The following NBAS variants were observed in gnomAD, a reference collection of about 807,000 sequenced individuals.
The protein encoded by NBAS is NBAS subunit of NRZ tethering complex.
A neutral mutation model predicts 302.5 loss-of-function variants in NBAS; 219 were observed. That is an observed-to-expected ratio of 0.72 (90% CI 0.65 to 0.81). NBAS has a LOEUF of 0.81. Among genes scored for constraint, NBAS ranks in the 30% least tolerant of loss-of-function variants. The pLI is 0.00. For missense variants in NBAS, 2,932 were observed against 2,841.6 expected, an observed-to-expected ratio of 1.03 and a Z score of -0.72; for synonymous variants, 1,118 against 1,021.6, an observed-to-expected ratio of 1.09 and a Z score of -1.80.
chr2:14,897,005 T>A, the NBAS span, among the ~76,000 whole-genome samples: 6 of 151,634 alleles, frequency 4.0e-5, no homozygotes, highest in Non-Finnish European at 5.9e-5. Flanking sequence ...GGAGCTTCTG[T>A]GGCTGTCAGG....
At chr2:15,322,006 A>T (rs1010604589) in intron 38 of NBAS, among the ~76,000 whole-genome samples, 1 of 152,222 alleles carries the variant, frequency 6.6e-6, no homozygotes. Context: ...TCCATCAATG[A>T]CAGACCAGAT....
chr2:15,339,822 T>C (rs545006958), intron 35 of NBAS, among the ~76,000 whole-genome samples: 3 of 151,672 alleles, frequency 2.0e-5, no homozygotes, highest in Non-Finnish European at 4.4e-5. Context: ...GGATAAGTCA[T>C]ATGGATACAG....
At chr2:15,474,774 T>C (rs1481155249) in intron 14 of NBAS, among the ~76,000 whole-genome samples, 1 of 152,180 alleles carries the variant, frequency 6.6e-6, no homozygotes, top group Admixed American at 6.5e-5. Flanking sequence ...TTGGCCAGGC[T>C]GGTCACAAAT....
the NBAS span, among the ~76,000 whole-genome samples, chr2:15,023,934 C>T: frequency 6.6e-6 from 1 of 151,862 alleles, no homozygotes; most frequent in Non-Finnish European, 1.5e-5. Flanking sequence ...TATATCCTCA[C>T]TTTATTTTCT....
chr2:15,305,449 GTTTTTT>G (rs35136896), intron 40 of NBAS, among the ~76,000 whole-genome samples: 1 of 123,804 alleles, frequency 8.1e-6, no homozygotes, highest in Non-Finnish European at 1.7e-5. Flanking sequence ...GTCTCGAGCA[GTTTTTT>G]TTTTTTTTTT....
chr2:14,792,332 C>T, the NBAS span, among the ~76,000 whole-genome samples: 1 of 152,174 alleles, frequency 6.6e-6, no homozygotes, highest in Non-Finnish European at 1.5e-5. Context: ...CCTAGCCTAG[C>T]TAGTGCTCAG....
the NBAS span, among the ~76,000 whole-genome samples, chr2:15,038,636 T>G: frequency 6.6e-6 from 1 of 152,126 alleles, no homozygotes; most frequent in Non-Finnish European, 1.5e-5. Flanking sequence ...TTCTGTGTCG[T>G]GATGTCAGGT....
chr2:15,434,981 ATTAC>A (rs1677941313), intron 21 of NBAS, among the ~76,000 whole-genome samples: 2 of 152,244 alleles, frequency 1.3e-5, no homozygotes, highest in Admixed American at 1.3e-4. Context: ...CTTATTTCAC[ATTAC>A]ATGAAGACAA....
At chr2:15,064,489 G>T in the NBAS span, among the ~76,000 whole-genome samples, 1 of 151,998 alleles carries the variant, frequency 6.6e-6, no homozygotes, top group Non-Finnish European at 1.5e-5. Flanking sequence ...GACCAAAGTA[G>T]TTTGACATGC....
the NBAS span, among the ~76,000 whole-genome samples, chr2:15,009,158 C>T: frequency 2.6e-5 from 4 of 152,142 alleles, no homozygotes; most frequent in African/African-American, 7.2e-5. Flanking sequence ...GTAAAAACAT[C>T]GCCCCTTGTT....
At chr2:15,004,931 G>A in the NBAS span, among the ~76,000 whole-genome samples, 1 of 152,050 alleles carries the variant, frequency 6.6e-6, no homozygotes, top group South Asian at 2.1e-4. Context: ...TAATAAGGTT[G>A]TCAGGATCTG....
chr2:15,275,664 G>C lies in NBAS; in HGVS notation c.5544C>G (p.Thr1848=), dbSNP rs374289500. Residue 1848 remains threonine (T), a synonymous_variant, in exon 44 of 52, where the codon ACC becomes ACG. Transcript: ENST00000281513. ...GQMLSPSSLY[T]IWLQKLFWTG... is the part of the protein sequence containing the mutation. Reference sequence around the variant, plus strand: ...TCCAGAACAACTTCTGTAACCAGATGGTGTACAGAGAGCTTGGGGAAAGCA... The same window carrying C: ...TCCAGAACAACTTCTGTAACCAGATCGTGTACAGAGAGCTTGGGGAAAGCA... 3 of 1,614,048 alleles carry C rather than the reference G, an allele frequency of 1.9e-6. No homozygotes were observed. Among genetic ancestry groups the C allele is most frequent in the African/African-American group, 1.3e-5 (1 of 74,920 alleles).
At chr2:14,867,114 T>C in the NBAS span, among the ~76,000 whole-genome samples, 1 of 152,202 alleles carries the variant, frequency 6.6e-6, no homozygotes, top group South Asian at 2.1e-4. Context: ...AAACCACCTA[T>C]TGGGTAAATG....
intron 23 of NBAS, among the ~76,000 whole-genome samples, chr2:15,419,116 G>A (rs1677084719): frequency 6.6e-6 from 1 of 152,180 alleles, no homozygotes; most frequent in South Asian, 2.1e-4. Flanking sequence ...TTCACAGACA[G>A]TAAATACTTG....
chr2:15,313,391 C>A (rs1036850824), intron 38 of NBAS, among the ~76,000 whole-genome samples: 2 of 152,282 alleles, frequency 1.3e-5, no homozygotes, highest in African/African-American at 4.8e-5. Flanking sequence ...ATAGTATTAT[C>A]TTGTTTTTAC....
intron 51 of NBAS, among the ~76,000 whole-genome samples, chr2:15,178,354 TC>T (rs1664654482): frequency 4.6e-5 from 7 of 152,168 alleles, no homozygotes; most frequent in Admixed American, 4.6e-4. Context: ...CAACATGAGT[TC>T]GTTAAAACAC....
rs141029453 is a variant in NBAS, at chr2:15,231,818, A to C, written c.6236+604T>G. Among the ~76,000 whole-genome samples, 280 of 152,292 alleles carry C rather than the reference A, an allele frequency of 1.8e-3. 2 individuals carry two copies. Among genetic ancestry groups the C allele is most frequent in the African/African-American group, 6.3e-3 (260 of 41,572 alleles). On this transcript the variant is annotated intron_variant, in intron 47 of 51. Transcript: ENST00000281513. ...AAAGAAAATTGGGGAGAGGACTTAC[A>C]TGGCTGACATGGATATTAGGCATTG...
In NBAS at chr2:15,527,082, T is replaced by C. The variant is rs556929793; in HGVS notation, c.746+7461A>G. Among the ~76,000 whole-genome samples the C allele has an allele frequency of 3.5e-3, 445 of 126,868 alleles. 1 individual carries two copies. Among genetic ancestry groups the C allele is most frequent in the African/African-American group, 0.013 (411 of 31,466 alleles). The allele number at this position is 126,868 out of a possible 152,430, so 83.2% of individuals were successfully genotyped here. A position where few individuals can be genotyped will look rare whatever the true frequency, so the allele number is the denominator to read the frequency against. ...AGCATTAAGATACAAAATACCCTTC[T>C]TTTAAAAGGGACAAGAGAAAAAAAA... On this transcript the variant is annotated intron_variant, in intron 9 of 51. Coordinates refer to ENST00000281513, the MANE Select transcript of NBAS (RefSeq NM_015909.4).
chr2:15,048,951 C>A, the NBAS span, among the ~76,000 whole-genome samples: 1 of 152,214 alleles, frequency 6.6e-6, no homozygotes, highest in African/African-American at 2.4e-5. Flanking sequence ...AGGCTCCCAG[C>A]CCAGTCCAGA....
Sources: gnomAD v4.1 joint callset for allele counts (sites outside exome capture counted in the v4.1 genomes callset) on GRCh38, gnomAD v4.1.1 for gene constraint, MANE v1.5 for transcripts, NCBI Gene and HGNC (gene_info 2026-07-23, HGNC 2026-07-21) for gene names.